GOLGA7: variants seen among roughly 807,000 people sequenced by gnomAD.
The protein encoded by GOLGA7 is golgin A7, also known as golgin subfamily A member 7.
GOLGA7 carries 10 observed loss-of-function variants against 21.1 expected under a neutral mutation model. The observed-to-expected ratio is 0.47, with a 90% CI of 0.29 to 0.80. GOLGA7 has a LOEUF of 0.80. Ranked by LOEUF, GOLGA7 falls within the 30% of genes least tolerant of loss-of-function variation. The probability of loss-of-function intolerance (pLI) is 0.08; values close to 1 mark genes in which losing one functional copy is unlikely to be tolerated. For synonymous variants in GOLGA7, 64 were observed against 62.6 expected (o/e 1.02, Z -0.10); for missense variants, 114 against 166.8 (o/e 0.68, Z 1.74).
chr8:41,499,499 A>G (rs889406391), intron 2 of GOLGA7, among the ~76,000 whole-genome samples: 3 of 152,156 alleles, frequency 2.0e-5, no homozygotes, highest in African/African-American at 7.2e-5. Context: ...GGGAGCCAGA[A>G]GGGAGATAGT....
intron 1 of GOLGA7, among the ~76,000 whole-genome samples, chr8:41,492,381 G>A (rs914304455): frequency 6.6e-6 from 1 of 152,224 alleles, no homozygotes; most frequent in African/African-American, 2.4e-5. Flanking sequence ...ATGGAATCTG[G>A]CTGGGCCCGG....
At chr8:41,500,632 G>T (rs1168938396) in intron 2 of GOLGA7, among the ~76,000 whole-genome samples, 2 of 152,222 alleles carry the variant, frequency 1.3e-5, no homozygotes, top group African/African-American at 4.8e-5. Flanking sequence ...GTCTCACTGT[G>T]TTGTCCACGC....
intron 1 of GOLGA7, among the ~76,000 whole-genome samples, chr8:41,493,508 A>G (rs548234235): frequency 1.7e-3 from 253 of 152,362 alleles, no homozygotes; most frequent in African/African-American, 5.4e-3. Flanking sequence ...TTTGATGCTT[A>G]AGCGATTTGT....
rs974121586 is a variant in GOLGA7 at position 41,490,779 on chromosome 8, C to T, written c.-76C>T. On this transcript the variant is annotated 5_prime_UTR_variant, in exon 1 of 5. Coordinates refer to ENST00000357743, the MANE Select transcript of GOLGA7 (RefSeq NM_001002296.2). ...GGGCGAGGGGCTGGCGGGTCAGAGT[C>T]CCGGGTCCAGGCCGGGGCTCTGACT... 2 of 787,086 alleles carry T rather than the reference C, an allele frequency of 2.5e-6. No homozygotes were observed. The highest frequency in any genetic ancestry group is 4.2e-6 in the Non-Finnish European group (2 of 475,702). 48.8% of individuals were successfully genotyped at this position (787,086 alleles called of 1,614,324 possible).
intron 1 of GOLGA7, among the ~76,000 whole-genome samples, chr8:41,494,351 C>T (rs10094451): frequency 0.32 from 49,352 of 151,978 alleles, 8,942 homozygotes; most frequent in African/African-American, 0.47. Context: ...CCGGGATAAA[C>T]AGTAATTCTG....
At chr8:41,507,587 C>T (rs187968849) in intron 4 of GOLGA7, among the ~76,000 whole-genome samples, 1 of 152,074 alleles carries the variant, frequency 6.6e-6, no homozygotes, top group East Asian at 1.9e-4. Context: ...GGCTTCAGAC[C>T]CCTGTGGAAG....
At chr8:41,499,670 A>C (rs1457977934) in intron 2 of GOLGA7, among the ~76,000 whole-genome samples, 2 of 152,018 alleles carry the variant, frequency 1.3e-5, no homozygotes, top group African/African-American at 4.8e-5. Flanking sequence ...TCCTCCACTA[A>C]TGTGCACCTC....
chr8:41,499,464 A>G (rs914203808), intron 2 of GOLGA7, among the ~76,000 whole-genome samples: 7 of 152,148 alleles, frequency 4.6e-5, no homozygotes, highest in African/African-American at 1.7e-4. Flanking sequence ...GGTTTTGTTG[A>G]GTGGAAGTAG....
chr8:41,490,929 G>A lies in GOLGA7; in HGVS notation c.75G>A (p.Gln25=), dbSNP rs1331196778. The change falls in exon 1 of 5, where the codon CAG becomes CAA. Residue 25 remains glutamine (Q), a synonymous_variant. Coordinates refer to ENST00000357743, the MANE Select transcript of GOLGA7 (RefSeq NM_001002296.2). ...ACTACAGCAGTGGCACACGCTGCCAGTTCCAGACCAAGTTCCCTGCGGAGC... is the reference window on the plus strand; with the variant it reads ...ACTACAGCAGTGGCACACGCTGCCAATTCCAGACCAAGTTCCCTGCGGAGC... ...QRDYSSGTRC[Q]FQTKFPAELE... is the part of the protein sequence containing the mutation. The A allele has an allele frequency of 2.5e-6, 4 of 1,596,404 alleles. No homozygotes were observed. Among genetic ancestry groups the A allele is most frequent in the Admixed American group, 1.7e-5 (1 of 58,060 alleles).
At chr8:41,498,360 T>C (rs911796185) in intron 2 of GOLGA7, among the ~76,000 whole-genome samples, 5 of 152,218 alleles carry the variant, frequency 3.3e-5, no homozygotes, top group African/African-American at 1.2e-4. Flanking sequence ...CCCTACTACT[T>C]CTGCCAAGTC....
chr8:41,490,644 T>C lies in GOLGA7; in HGVS notation c.-211T>C. 1 of 512,884 alleles carries C rather than the reference T, an allele frequency of 1.9e-6. No homozygotes were observed. The highest frequency in any genetic ancestry group is 3.5e-6 in the Non-Finnish European group (1 of 289,550). The allele number at this position is 512,884 out of a possible 1,614,324, so 31.8% of individuals were successfully genotyped here. A position where few individuals can be genotyped will look rare whatever the true frequency, so the allele number is the denominator to read the frequency against. On this transcript the variant is annotated 5_prime_UTR_variant, in exon 1 of 5. Coordinates refer to ENST00000357743, the MANE Select transcript of GOLGA7 (RefSeq NM_001002296.2). Reference sequence around the variant, plus strand: ...TTTGTGTTTCCCGGGCCGAACCGGGTTGTGGGGGGCGCGGGGCCTGGGCCA... The same window carrying C: ...TTTGTGTTTCCCGGGCCGAACCGGGCTGTGGGGGGCGCGGGGCCTGGGCCA...
Position 41,491,319 on chromosome 8 carries a change from G to C in GOLGA7, c.111+354G>C, listed in dbSNP as rs141511817. Among the ~76,000 whole-genome samples the C allele has an allele frequency of 1.4e-3, 213 of 152,292 alleles. 1 individual carries two copies. Among genetic ancestry groups the C allele is most frequent in the African/African-American group, 5.0e-3 (207 of 41,558 alleles). Reference sequence around the variant, plus strand: ...ATTCCTGAGGCTCCAGGTCGTCTCAGTCACCAGGTTGTAAACTATATCCTC... The same window carrying C: ...ATTCCTGAGGCTCCAGGTCGTCTCACTCACCAGGTTGTAAACTATATCCTC... On this transcript the variant is annotated intron_variant, in intron 1 of 4. Coordinates refer to ENST00000357743, the MANE Select transcript of GOLGA7 (RefSeq NM_001002296.2).
At chr8:41,493,349 T>G (rs1417093585) in intron 1 of GOLGA7, among the ~76,000 whole-genome samples, 1 of 152,220 alleles carries the variant, frequency 6.6e-6, no homozygotes, top group African/African-American at 2.4e-5. Flanking sequence ...GGCAACATAA[T>G]AGAGAAAGTG....
At chr8:41,493,345 A>C (rs1486927592) in intron 1 of GOLGA7, among the ~76,000 whole-genome samples, 1 of 152,246 alleles carries the variant, frequency 6.6e-6, no homozygotes, top group Non-Finnish European at 1.5e-5. Flanking sequence ...ACTTGGCAAC[A>C]TAATAGAGAA....
At chr8:41,496,896 C>T (rs920203416) in intron 1 of GOLGA7, among the ~76,000 whole-genome samples, 4 of 150,724 alleles carry the variant, frequency 2.7e-5, no homozygotes, top group Admixed American at 6.6e-5. Context: ...CAAGCTCCAC[C>T]TCCCGGGTTC....
rs1465746053 is a variant in GOLGA7 at position 41,509,598 on chromosome 8, C to T, written c.*30C>T. ...TCTAATTACAGATCCCACTTCCAGC[C>T]GGGCCCCTCATGTATCCACTGGCCG... On this transcript the variant is annotated 3_prime_UTR_variant, in exon 5 of 5. Transcript: ENST00000357743. 6.6e-6 allele frequency: 1 copy of T among 152,610 alleles called. No homozygotes were observed. Among genetic ancestry groups the T allele is most frequent in the Non-Finnish European group, 1.5e-5 (1 of 68,048 alleles). The allele number at this position is 152,610 out of a possible 1,614,324, so 9.5% of individuals were successfully genotyped here.
chr8:41,499,877 G>A (rs958905505), intron 2 of GOLGA7, among the ~76,000 whole-genome samples: 2 of 152,190 alleles, frequency 1.3e-5, no homozygotes, highest in African/African-American at 4.8e-5. Context: ...GCACTTCCCT[G>A]CCTGCTTCTG....
At chr8:41,497,064 C>A (rs530531847) in intron 1 of GOLGA7, among the ~76,000 whole-genome samples, 21 of 151,760 alleles carry the variant, frequency 1.4e-4, no homozygotes, top group Non-Finnish European at 3.1e-4. Flanking sequence ...CCCACCTCAG[C>A]CTCCCAAAGT....
At chr8:41,495,077 G>A (rs1047877174) in intron 1 of GOLGA7, among the ~76,000 whole-genome samples, 11 of 151,314 alleles carry the variant, frequency 7.3e-5, no homozygotes, top group Non-Finnish European at 1.5e-4. Context: ...GGTGGTGCAC[G>A]CCTGTAATCC....
Sources: allele counts gnomAD v4.1 joint callset (sites outside exome capture counted in the v4.1 genomes callset), GRCh38; gene constraint gnomAD v4.1.1; transcripts MANE v1.5; gene names NCBI Gene and HGNC (gene_info 2026-07-23, HGNC 2026-07-21).